EFNA5: variants seen among roughly 807,000 people sequenced by gnomAD.
The protein encoded by EFNA5 is ephrin A5, also known as ephrin-A5.
Under a neutral mutation model 22.9 loss-of-function variants are expected in EFNA5, and 5 were observed. The observed-to-expected ratio is 0.22, with a 90% CI of 0.11 to 0.46. The LOEUF (loss-of-function observed/expected upper bound fraction) is 0.46, where lower values mean the gene tolerates loss of function less well. EFNA5 is among the 20% of genes least tolerant of loss of function. The pLI is 0.99. For missense variants in EFNA5, 237 were observed against 293.3 expected, an observed-to-expected ratio of 0.81 and a Z score of 1.40; for synonymous variants, 113 against 112.2, an observed-to-expected ratio of 1.01 and a Z score of -0.04.
At chr5:107,659,780 G>A (rs1273595380) in intron 1 of EFNA5, among the ~76,000 whole-genome samples, 1 of 151,962 alleles carries the variant, frequency 6.6e-6, no homozygotes, top group African/African-American at 2.4e-5. Context: ...AAAATAACGA[G>A]ATATTCAGAC....
At chr5:107,460,822 C>T (rs762695907) in intron 1 of EFNA5, among the ~76,000 whole-genome samples, 1 of 152,194 alleles carries the variant, frequency 6.6e-6, no homozygotes, top group African/African-American at 2.4e-5. Flanking sequence ...TCTATGACTG[C>T]TAGAGGAATA....
intron 1 of EFNA5, among the ~76,000 whole-genome samples, chr5:107,528,699 T>A (rs1234641457): frequency 6.6e-6 from 1 of 152,206 alleles, no homozygotes; most frequent in Non-Finnish European, 1.5e-5. Flanking sequence ...AAAAATAATG[T>A]TTAACATTTC....
At chr5:107,561,816 C>T (rs73198644) in intron 1 of EFNA5, among the ~76,000 whole-genome samples, 3,960 of 152,238 alleles carry the variant, frequency 0.026, 214 homozygotes, top group African/African-American at 0.09. Context: ...TCATCTAATA[C>T]ATTTCTAGTT....
intron 1 of EFNA5, among the ~76,000 whole-genome samples, chr5:107,591,139 G>C (rs767014518): frequency 6.6e-6 from 1 of 152,156 alleles, no homozygotes; most frequent in Non-Finnish European, 1.5e-5. Flanking sequence ...CTGGGAGGCA[G>C]GGGAGCTACA....
At chr5:107,466,622 T>C (rs1396722001) in intron 1 of EFNA5, among the ~76,000 whole-genome samples, 2 of 152,204 alleles carry the variant, frequency 1.3e-5, no homozygotes, top group Non-Finnish European at 2.9e-5. Context: ...CTTGCCTTTC[T>C]CACTTTCTGT....
chr5:107,468,958 TGGA>T (rs1389661638), intron 1 of EFNA5, among the ~76,000 whole-genome samples: 2 of 152,214 alleles, frequency 1.3e-5, no homozygotes, highest in Non-Finnish European at 2.9e-5. Flanking sequence ...TTATGGGTGA[TGGA>T]GGAGAATATA....
intron 1 of EFNA5, among the ~76,000 whole-genome samples, chr5:107,476,057 T>TATATATATATATATATC: frequency 1.0e-5 from 1 of 100,436 alleles, no homozygotes; most frequent in Non-Finnish European, 1.9e-5. Context: ...TATATATATA[T>TATATATATATATATATC]TTTTTTTTTT....
intron 1 of EFNA5, among the ~76,000 whole-genome samples, chr5:107,669,947 T>C (rs1751151910): frequency 6.7e-6 from 1 of 150,010 alleles, no homozygotes; most frequent in Non-Finnish European, 1.5e-5. Flanking sequence ...AACCTAAAGC[T>C]TCCGCTTCCC....
chr5:107,432,861 C>T (rs1040001742), intron 1 of EFNA5, among the ~76,000 whole-genome samples: 2 of 152,174 alleles, frequency 1.3e-5, no homozygotes, highest in Non-Finnish European at 2.9e-5. Flanking sequence ...ACCCCTGAGA[C>T]AGCAAGACCA....
intron 1 of EFNA5, among the ~76,000 whole-genome samples, chr5:107,572,785 C>A (rs1748844288): frequency 6.6e-6 from 1 of 152,120 alleles, no homozygotes. Context: ...TTTTGCCTTC[C>A]TTTTCACCTA....
intron 1 of EFNA5, among the ~76,000 whole-genome samples, chr5:107,528,304 TATA>T (rs1747739591): frequency 1.3e-5 from 2 of 152,216 alleles, no homozygotes; most frequent in African/African-American, 4.8e-5. Flanking sequence ...GGACACTCAT[TATA>T]ACAGGAGAAA....
chr5:107,629,868 C>A (rs1750212437), intron 1 of EFNA5, among the ~76,000 whole-genome samples: 1 of 151,884 alleles, frequency 6.6e-6, no homozygotes, highest in Non-Finnish European at 1.5e-5. Flanking sequence ...AACAGCCTGG[C>A]CAACATGGTG....
chr5:107,389,915 G>A (rs1022831156), intron 2 of EFNA5, among the ~76,000 whole-genome samples: 1 of 152,216 alleles, frequency 6.6e-6, no homozygotes, highest in Non-Finnish European at 1.5e-5. Context: ...ACCAGGAAAT[G>A]TGACTGATGC....
chr5:107,443,181 C>T (rs747070459), intron 1 of EFNA5, among the ~76,000 whole-genome samples: 1 of 152,180 alleles, frequency 6.6e-6, no homozygotes, highest in Non-Finnish European at 1.5e-5. Context: ...GGGCAGGAGG[C>T]TGCCCAAATA....
chr5:107,398,634 C>T (rs1349104181), intron 2 of EFNA5, among the ~76,000 whole-genome samples: 1 of 151,874 alleles, frequency 6.6e-6, no homozygotes, highest in African/African-American at 2.4e-5. Context: ...ACTGCTTGAG[C>T]CCGAGAGTTT....
intron 2 of EFNA5, among the ~76,000 whole-genome samples, chr5:107,400,228 A>G (rs1748049103): frequency 6.6e-6 from 1 of 152,146 alleles, no homozygotes; most frequent in African/African-American, 2.4e-5. Flanking sequence ...ATATAGAATA[A>G]AACATATAAG....
intron 1 of EFNA5, among the ~76,000 whole-genome samples, chr5:107,444,836 C>T (rs1486301234): frequency 1.3e-5 from 2 of 152,016 alleles, no homozygotes; most frequent in African/African-American, 4.8e-5. Flanking sequence ...TGAATTTGCT[C>T]CCAGACTCAA....
At position 107,441,541 on chromosome 5, in the gene EFNA5, C is replaced by G. The variant is rs188527454; in HGVS notation, c.126-14032G>C. ...CATATACTTCAGTTTAGTTCTGAAT[C>G]CTAAGAAGTTACAAATTATTCCAAC... On this transcript the variant is annotated intron_variant, in intron 1 of 4. Coordinates refer to ENST00000333274, the MANE Select transcript of EFNA5 (RefSeq NM_001962.3). Among the ~76,000 whole-genome samples the G allele has an allele frequency of 2.4e-3, 366 of 152,228 alleles. 2 individuals are homozygous for G. Among genetic ancestry groups the G allele is most frequent in the African/African-American group, 8.5e-3 (354 of 41,538 alleles).
chr5:107,469,237 T>C (rs1408504896), intron 1 of EFNA5, among the ~76,000 whole-genome samples: 1 of 152,114 alleles, frequency 6.6e-6, no homozygotes, highest in African/African-American at 2.4e-5. Context: ...GCTCCTCAAC[T>C]GCAGTTACAC....
Sources: gnomAD v4.1 joint callset for allele counts (sites outside exome capture counted in the v4.1 genomes callset) on GRCh38, gnomAD v4.1.1 for gene constraint, MANE v1.5 for transcripts, NCBI Gene and HGNC (gene_info 2026-07-23, HGNC 2026-07-21) for gene names.